The following TRHDE variants were observed in gnomAD, a reference collection of about 807,000 sequenced individuals.
TRHDE encodes the protein thyrotropin releasing hormone degrading enzyme.
TRHDE carries 72 observed loss-of-function variants against 125.7 expected under a neutral mutation model. The ratio of observed to expected loss-of-function variants is 0.57; its 90% CI spans 0.47 to 0.70. The LOEUF (loss-of-function observed/expected upper bound fraction) is 0.70, where lower values mean the gene tolerates loss of function less well. Ranked by LOEUF, TRHDE falls within the 30% of genes least tolerant of loss-of-function variation. TRHDE has a pLI of 0.00. For missense variants in TRHDE, 1,110 were observed against 1,327.1 expected (o/e 0.84, Z 2.54); for synonymous variants, 509 against 509.1 (o/e 1.00, Z 0.00).
chr12:72,667,342 G>A lies in TRHDE; in HGVS notation c.*4147G>A, dbSNP rs547255166. The A allele has an allele frequency of 5.3e-5, 8 of 151,766 alleles. 1 individual carries two copies. Among genetic ancestry groups the A allele is most frequent in the South Asian group, 4.2e-4 (2 of 4,810 alleles). The allele number at this position is 151,766 out of a possible 1,614,324, so 9.4% of individuals were successfully genotyped here. ...CTTACACCTGATTTTTTCATTATCA[G>A]AGATAATTATCAGAGATAATTTTTC... On this transcript the variant is annotated 3_prime_UTR_variant, in exon 19 of 19. Coordinates refer to ENST00000261180, the MANE Select transcript of TRHDE (RefSeq NM_013381.3).
chr12:72,383,948 A>G (rs1872303979), intron 3 of TRHDE, among the ~76,000 whole-genome samples: 1 of 152,112 alleles, frequency 6.6e-6, no homozygotes. Context: ...GAATGATATA[A>G]CAGCTATTTT....
At chr12:72,324,651 G>C (rs571278465) in intron 2 of TRHDE, among the ~76,000 whole-genome samples, 2 of 152,186 alleles carry the variant, frequency 1.3e-5, no homozygotes, top group South Asian at 2.1e-4. Context: ...AAGATGGGCT[G>C]GTTCTGTGGA....
chr12:72,232,215 A>C (rs1454212608), intron 2 of TRHDE, among the ~76,000 whole-genome samples: 1 of 152,174 alleles, frequency 6.6e-6, no homozygotes, highest in African/African-American at 2.4e-5. Flanking sequence ...GCACAGACAG[A>C]GACTTTACTG....
chr12:72,192,135 T>G (rs1877352841), intron 2 of TRHDE, among the ~76,000 whole-genome samples: 1 of 152,048 alleles, frequency 6.6e-6, no homozygotes, highest in Non-Finnish European at 1.5e-5. Flanking sequence ...AACTTCTTAG[T>G]GATTTTATGT....
chr12:72,271,706 C>T (rs553546049), upstream of TRHDE: 246 of 350,732 alleles, frequency 7.0e-4, 3 homozygotes, highest in Middle Eastern at 7.9e-3. Context: ...CAATCTAAAC[C>T]CGAAGCCTGT....
intron 2 of TRHDE, among the ~76,000 whole-genome samples, chr12:72,369,882 G>A (rs1404054744): frequency 6.6e-6 from 1 of 152,082 alleles, no homozygotes; most frequent in Non-Finnish European, 1.5e-5. Flanking sequence ...AAATAAGCAG[G>A]TGTAATAAAA....
At chr12:72,625,419 A>G (rs1369622219) in intron 15 of TRHDE, among the ~76,000 whole-genome samples, 1 of 151,786 alleles carries the variant, frequency 6.6e-6, no homozygotes, top group East Asian at 1.9e-4. Flanking sequence ...TATATAGTAA[A>G]TGTTTATTGA....
intron 3 of TRHDE, among the ~76,000 whole-genome samples, chr12:72,410,848 T>A (rs1468898876): frequency 1.3e-5 from 2 of 150,510 alleles, no homozygotes; most frequent in Non-Finnish European, 2.9e-5. Flanking sequence ...ATGGGAAGCC[T>A]GACCCAAATA....
At chr12:72,500,169 G>C (rs769597362) in intron 6 of TRHDE, among the ~76,000 whole-genome samples, 14 of 152,078 alleles carry the variant, frequency 9.2e-5, no homozygotes, top group Non-Finnish European at 1.8e-4. Context: ...AAATAATTTT[G>C]AGCCAATGAC....
At chr12:72,377,855 T>C (rs1871960868) in intron 2 of TRHDE, 140 bp from the exon 3 acceptor site, 1 of 515,276 alleles carries the variant, frequency 1.9e-6, no homozygotes, top group Non-Finnish European at 3.2e-6. Context: ...AGCCCCACTG[T>C]GCTTTGATAT....
At chr12:72,585,211 T>C (rs1348103596) in intron 12 of TRHDE, among the ~76,000 whole-genome samples, 1 of 152,188 alleles carries the variant, frequency 6.6e-6, no homozygotes, top group Non-Finnish European at 1.5e-5. Flanking sequence ...ATGTTGATCA[T>C]TTCTGTATTC....
At chr12:72,176,031 C>T (rs955064770) in intron 2 of TRHDE, among the ~76,000 whole-genome samples, 2 of 152,160 alleles carry the variant, frequency 1.3e-5, no homozygotes, top group African/African-American at 4.8e-5. Flanking sequence ...CATGGACCAC[C>T]TTGTCAGTCA....
chr12:72,188,075 T>C (rs989045839), intron 2 of TRHDE, among the ~76,000 whole-genome samples: 3 of 152,368 alleles, frequency 2.0e-5, no homozygotes, highest in African/African-American at 7.2e-5. Flanking sequence ...TTAACAGTGA[T>C]AATTCCTGAT....
intron 3 of TRHDE, among the ~76,000 whole-genome samples, chr12:72,413,371 A>G (rs1287845337): frequency 1.3e-5 from 2 of 151,932 alleles, no homozygotes; most frequent in African/African-American, 2.4e-5. Flanking sequence ...AGCACTTGAA[A>G]TGTGGCTAAT....
At chr12:72,634,802 T>C (rs1011062036) in intron 15 of TRHDE, among the ~76,000 whole-genome samples, 5 of 151,630 alleles carry the variant, frequency 3.3e-5, no homozygotes, top group Non-Finnish European at 1.5e-5. Context: ...ATTTCCAATT[T>C]CATCCATGTC....
chr12:72,479,708 A>C (rs1417506703), intron 5 of TRHDE, among the ~76,000 whole-genome samples: 2 of 150,694 alleles, frequency 1.3e-5, no homozygotes, highest in Non-Finnish European at 3.0e-5. Flanking sequence ...CATGTGCACA[A>C]TGTGCAGGTT....
chr12:72,470,840 C>T (rs1009427562), intron 4 of TRHDE, among the ~76,000 whole-genome samples: 7 of 144,204 alleles, frequency 4.9e-5, no homozygotes, highest in African/African-American at 1.8e-4. Flanking sequence ...CCGGGTCAGA[C>T]GACCGTTCTA....
intron 15 of TRHDE, among the ~76,000 whole-genome samples, chr12:72,635,434 T>C (rs1873696715): frequency 6.6e-6 from 1 of 152,066 alleles, no homozygotes; most frequent in Non-Finnish European, 1.5e-5. Context: ...TGCGAAAATT[T>C]TCTCCCATTC....
intron 2 of TRHDE, among the ~76,000 whole-genome samples, chr12:72,230,297 A>G (rs558358508): frequency 1.2e-4 from 18 of 152,302 alleles, no homozygotes; most frequent in Non-Finnish European, 2.4e-4. Flanking sequence ...GCTTCCGTAC[A>G]TTCTTACCAT....
Sources: gnomAD v4.1 joint callset for allele counts (sites outside exome capture counted in the v4.1 genomes callset) on GRCh38, gnomAD v4.1.1 for gene constraint, MANE v1.5 for transcripts, NCBI Gene and HGNC (gene_info 2026-07-23, HGNC 2026-07-21) for gene names.